Variants in MAOA observed in about 807,000 individuals in gnomAD.
MAOA encodes monoamine oxidase A.
MAOA carries 6 observed loss-of-function variants against 42.0 expected under a neutral mutation model. That is an observed-to-expected ratio of 0.14 (90% CI 0.08 to 0.28). MAOA has a LOEUF of 0.28. Among genes scored for constraint, MAOA ranks in the 10% least tolerant of loss-of-function variants. The pLI, the probability that MAOA is intolerant of heterozygous loss-of-function variation, is 1.00. For missense variants in MAOA, 262 were observed against 422.3 expected (o/e 0.62, Z 3.33); for synonymous variants, 140 against 154.0 (o/e 0.91, Z 0.67).
chrX:43,745,146 A>G lies in MAOA; in HGVS notation c.*633A>G, dbSNP rs1309340395. Reference sequence around the variant, plus strand: ...TGTAGTCCCTCCGACTTCTCTAGACATCTAGTCTCAGTGCTAGCTTATTTG... The same window carrying G: ...TGTAGTCCCTCCGACTTCTCTAGACGTCTAGTCTCAGTGCTAGCTTATTTG... On this transcript the variant is annotated 3_prime_UTR_variant, in exon 15 of 15. Transcript: ENST00000338702. The G allele has an allele frequency of 8.5e-6, 1 of 117,245 alleles. No individual in the cohort carries two copies. The highest frequency in any genetic ancestry group is 1.8e-5 in the Non-Finnish European group (1 of 55,844). 9.7% of individuals were successfully genotyped at this position (117,245 alleles called of 1,213,427 possible). A position where few individuals can be genotyped will look rare whatever the true frequency, so the allele number is the denominator to read the frequency against.
intron 3 of MAOA, among the ~76,000 whole-genome samples, chrX:43,704,900 A>G (rs1213080055): frequency 8.9e-6 from 1 of 112,257 alleles, no homozygotes; most frequent in Non-Finnish European, 1.9e-5. Context: ...CAATAAATTT[A>G]ACCAAAGAAG....
At chrX:43,714,535 A>C (rs890969528) in intron 5 of MAOA, among the ~76,000 whole-genome samples, 3 of 110,464 alleles carry the variant, frequency 2.7e-5, no homozygotes, top group Non-Finnish European at 5.7e-5. Flanking sequence ...TCCACCAACA[A>C]CCCAGAGGTG....
chrX:43,723,084 A>G (rs1384961002), intron 5 of MAOA, among the ~76,000 whole-genome samples: 1 of 111,747 alleles, frequency 8.9e-6, no homozygotes. Context: ...TGTTTTGGTT[A>G]CTGTAACCTT....
chrX:43,696,407 C>T (rs1266027922), intron 3 of MAOA, among the ~76,000 whole-genome samples: 1 of 112,147 alleles, frequency 8.9e-6, no homozygotes, highest in East Asian at 2.8e-4. Context: ...AGGCTGCTTT[C>T]AGGAATGTAA....
chrX:43,673,308 C>A (rs1287071734), intron 1 of MAOA, among the ~76,000 whole-genome samples: 1 of 111,006 alleles, frequency 9.0e-6, no homozygotes, highest in Non-Finnish European at 1.9e-5. Flanking sequence ...TCTTTTATTG[C>A]ATCTATTTGA....
intron 5 of MAOA, among the ~76,000 whole-genome samples, chrX:43,727,312 G>A (rs1032215046): frequency 8.9e-6 from 1 of 112,009 alleles, no homozygotes; most frequent in African/African-American, 3.2e-5. Context: ...AGGAGATGGG[G>A]GTTTTATCTA....
chrX:43,717,675 G>A (rs2033755133), intron 5 of MAOA, among the ~76,000 whole-genome samples: 1 of 111,205 alleles, frequency 9.0e-6, no homozygotes, highest in African/African-American at 3.3e-5. Context: ...TGGGGTTGTG[G>A]GGGTCATGGT....
chrX:43,697,010 T>A (rs1400722753), intron 3 of MAOA, among the ~76,000 whole-genome samples: 1 of 111,609 alleles, frequency 9.0e-6, no homozygotes, highest in Non-Finnish European at 1.9e-5. Flanking sequence ...AATGACTACC[T>A]CCCCTACTGA....
At chrX:43,677,325 G>A (rs1347924010) in intron 1 of MAOA, among the ~76,000 whole-genome samples, 1 of 111,988 alleles carries the variant, frequency 8.9e-6, no homozygotes, top group African/African-American at 3.2e-5. Flanking sequence ...TGCAGAATTG[G>A]TGGTAACACA....
chrX:43,664,112 A>G (rs2033257519), intron 1 of MAOA, among the ~76,000 whole-genome samples: 1 of 112,460 alleles, frequency 8.9e-6, no homozygotes, highest in South Asian at 3.6e-4. Flanking sequence ...CAGAGGATTC[A>G]TTATATCATT....
upstream of MAOA, chrX:43,656,194 C>A: frequency 1.9e-6 from 1 of 518,732 alleles, no homozygotes; most frequent in East Asian, 3.6e-5. Context: ...AAGGGTTCGC[C>A]CCGCCCACAG....
At chrX:43,681,499 G>A (rs1022553099) in intron 1 of MAOA, among the ~76,000 whole-genome samples, 1 of 110,364 alleles carries the variant, frequency 9.1e-6, no homozygotes, top group Non-Finnish European at 1.9e-5. Flanking sequence ...GCTAATACTA[G>A]GACTAGCTAA....
intron 1 of MAOA, among the ~76,000 whole-genome samples, chrX:43,674,311 C>G (rs1276492833): frequency 1.8e-5 from 2 of 110,457 alleles, no homozygotes; most frequent in East Asian, 5.6e-4. Flanking sequence ...AGATCTTCCT[C>G]CATCCTTTTA....
chrX:43,733,123 A>G (rs201443737), intron 9 of MAOA, among the ~76,000 whole-genome samples: 10 of 112,372 alleles, frequency 8.9e-5, no homozygotes, highest in African/African-American at 2.6e-4. Context: ...CAGAATGTCC[A>G]CAGCCATTCT....
At chrX:43,727,213 A>G (rs186333968) in intron 5 of MAOA, among the ~76,000 whole-genome samples, 154 of 112,200 alleles carry the variant, frequency 1.4e-3, no homozygotes, top group Admixed American at 2.8e-3. Context: ...TGGGAGAACC[A>G]CTGCTCTCTT....
rs1424422664 is a variant in MAOA at position 43,695,450 on chromosome X, G to A, written c.306+2022G>A. ...CGCCCAGTCTAAAACTTGATATTGG[G>A]CTGGGTGTGGTGGCTCACATCTGTA... On this transcript the variant is annotated intron_variant, in intron 3 of 14. Coordinates refer to ENST00000338702, the MANE Select transcript of MAOA (RefSeq NM_000240.4). 4.5e-5 allele frequency among the ~76,000 whole-genome samples: 5 copies of A among 112,042 alleles called. 1 individual carries two copies. In the Admixed American group the frequency reaches 4.8e-4, roughly 11 times the overall value.
intron 10 of MAOA, among the ~76,000 whole-genome samples, chrX:43,739,710 G>T (rs1016983634): frequency 1.6e-4 from 18 of 112,037 alleles, no homozygotes; most frequent in Non-Finnish European, 3.0e-4. Context: ...ACATTTTTAA[G>T]CAAATATTTT....
intron 5 of MAOA, among the ~76,000 whole-genome samples, chrX:43,718,620 CA>C (rs1448803414): frequency 1.9e-5 from 2 of 106,701 alleles, no homozygotes; most frequent in African/African-American, 6.9e-5. Flanking sequence ...GGGAGACCAT[CA>C]GGGGGATGTT....
At chrX:43,692,499 T>C (rs2033544648) in intron 2 of MAOA, among the ~76,000 whole-genome samples, 1 of 110,743 alleles carries the variant, frequency 9.0e-6, no homozygotes, top group South Asian at 3.9e-4. Flanking sequence ...TCTACATGTT[T>C]TCAAGTGCAA....
Sources: gnomAD v4.1 joint callset for allele counts (sites outside exome capture counted in the v4.1 genomes callset) on GRCh38, gnomAD v4.1.1 for gene constraint, MANE v1.5 for transcripts, NCBI Gene and HGNC (gene_info 2026-07-23, HGNC 2026-07-21) for gene names.